Variants in EVI5 observed in about 807,000 individuals in gnomAD.
EVI5 encodes ecotropic viral integration site 5 protein homolog.
A neutral mutation model predicts 112.0 loss-of-function variants in EVI5; 73 were observed. That is an observed-to-expected ratio of 0.65 (90% CI 0.54 to 0.79). The LOEUF is 0.79. Among genes scored for constraint, EVI5 ranks in the 30% least tolerant of loss-of-function variants. The pLI, the probability that EVI5 is intolerant of heterozygous loss-of-function variation, is 0.00. For synonymous variants in EVI5, 305 were observed against 319.9 expected (o/e 0.95, Z 0.50); for missense variants, 900 against 968.8 (o/e 0.93, Z 0.94).
rs1363872641 is a variant in EVI5, at chr1:92,511,094, C to T, written c.*2562G>A. On this transcript the variant is annotated 3_prime_UTR_variant, in exon 20 of 20. Coordinates refer to ENST00000684568, the MANE Select transcript of EVI5 (RefSeq NM_001350197.2). ...CTTGTAAGTGTTGATACTCATCTAT[C>T]TATCTGTATATATATTCAGGAAACA... 6.6e-6 allele frequency: 1 copy of T among 150,716 alleles called. No homozygotes were observed. Among genetic ancestry groups the T allele is most frequent in the Non-Finnish European group, 1.5e-5 (1 of 67,546 alleles). 9.3% of individuals were successfully genotyped at this position (150,716 alleles called of 1,614,324 possible). A position where few individuals can be genotyped will look rare whatever the true frequency, so the allele number is the denominator to read the frequency against.
intron 2 of EVI5, among the ~76,000 whole-genome samples, chr1:92,722,693 C>A (rs1417554231): frequency 6.6e-6 from 1 of 152,146 alleles, no homozygotes; most frequent in Admixed American, 6.5e-5. Context: ...CCACTTTGAT[C>A]TTTCAAGATC....
chr1:92,523,955 G>A (rs1032753363), intron 19 of EVI5, among the ~76,000 whole-genome samples: 1 of 151,932 alleles, frequency 6.6e-6, no homozygotes. Context: ...GTGTAGTGGT[G>A]CATGCCTGTA....
At chr1:92,730,253 G>C (rs1232202615) in intron 2 of EVI5, among the ~76,000 whole-genome samples, 2 of 152,004 alleles carry the variant, frequency 1.3e-5, no homozygotes. Flanking sequence ...GTAATCCCAG[G>C]AGGCAGGGCT....
intron 19 of EVI5, among the ~76,000 whole-genome samples, chr1:92,554,112 T>C (rs1004818554): frequency 6.6e-6 from 1 of 152,196 alleles, no homozygotes; most frequent in Non-Finnish European, 1.5e-5. Context: ...AGAATCTGAA[T>C]GTCAAGTTGG....
intron 14 of EVI5, among the ~76,000 whole-genome samples, chr1:92,634,145 G>T (rs539144508): frequency 6.6e-5 from 10 of 152,230 alleles, no homozygotes; most frequent in Admixed American, 6.5e-4. Context: ...TGGTGAATCT[G>T]ACAATTATGT....
At chr1:92,648,380 T>A (rs532910675) in intron 13 of EVI5, among the ~76,000 whole-genome samples, 28 of 149,974 alleles carry the variant, frequency 1.9e-4, no homozygotes, top group Middle Eastern at 3.4e-3. Flanking sequence ...CTCAAAAAAA[T>A]AATAATAATA....
At chr1:92,598,139 A>G (rs899469842) in intron 18 of EVI5, among the ~76,000 whole-genome samples, 2 of 152,114 alleles carry the variant, frequency 1.3e-5, no homozygotes. Context: ...CCACTGCCCA[A>G]AAGAGAATAT....
intron 1 of EVI5, among the ~76,000 whole-genome samples, chr1:92,782,613 C>A (rs1160274978): frequency 6.6e-6 from 1 of 152,170 alleles, no homozygotes; most frequent in Non-Finnish European, 1.5e-5. Context: ...CAAGCACCAG[C>A]AAGGATGTGG....
chr1:92,524,110 G>T (rs935482334), intron 19 of EVI5, among the ~76,000 whole-genome samples: 2 of 35,252 alleles, frequency 5.7e-5, no homozygotes, highest in African/African-American at 2.2e-4. Flanking sequence ...AAAAATAAAA[G>T]AAAAAAAAAA....
intron 19 of EVI5, among the ~76,000 whole-genome samples, chr1:92,539,786 A>G (rs1055385896): frequency 1.3e-5 from 2 of 152,166 alleles, no homozygotes; most frequent in Non-Finnish European, 2.9e-5. Flanking sequence ...GAGTTGTGCA[A>G]CCATCACCAC....
chr1:92,607,423 CT>C (rs1475459585), intron 17 of EVI5, 157 bp downstream of exon 17: 4 of 496,150 alleles, frequency 8.1e-6, no homozygotes, highest in Non-Finnish European at 1.4e-5. Context: ...ATGAGCTGAC[CT>C]GGTCTGAAAG....
At chr1:92,586,654 C>T (rs1254622765) in intron 18 of EVI5, among the ~76,000 whole-genome samples, 1 of 123,090 alleles carries the variant, frequency 8.1e-6, no homozygotes, top group African/African-American at 3.2e-5. Flanking sequence ...ATTTTGAGTA[C>T]TTCCTTACTT....
intron 1 of EVI5, among the ~76,000 whole-genome samples, chr1:92,775,487 T>C (rs1442268900): frequency 6.6e-6 from 1 of 152,128 alleles, no homozygotes; most frequent in Non-Finnish European, 1.5e-5. Context: ...TGGTGTATCT[T>C]TGCTGTTTAG....
chr1:92,635,233 A>G (rs1319413705), intron 14 of EVI5, among the ~76,000 whole-genome samples: 2 of 152,206 alleles, frequency 1.3e-5, no homozygotes, highest in African/African-American at 2.4e-5. Flanking sequence ...TTAAGTCTGC[A>G]GAGGTTTCTG....
At chr1:92,791,646 T>C (rs1176015404) in intron 1 of EVI5, among the ~76,000 whole-genome samples, 1 of 151,938 alleles carries the variant, frequency 6.6e-6, no homozygotes, top group African/African-American at 2.4e-5. Context: ...GTCCCAATCA[T>C]AGATGCGACG....
At chr1:92,720,203 A>G (rs1674496432) in intron 2 of EVI5, among the ~76,000 whole-genome samples, 1 of 152,130 alleles carries the variant, frequency 6.6e-6, no homozygotes, top group Admixed American at 6.5e-5. Context: ...ACCAAAAAAG[A>G]GCCCACATTG....
Position 92,513,758 on chromosome 1 carries a change from C to G in EVI5, c.2379G>C (p.Glu793Asp). The G allele has an allele frequency of 6.2e-7, 1 of 1,613,760 alleles. No homozygotes were observed. The highest frequency in any genetic ancestry group is 8.5e-7 in the Non-Finnish European group (1 of 1,179,936). ...SLDPAVADGS[E>D]SETEDSVLET... Reference sequence around the variant, plus strand: ...CCAGCACACTGTCTTCTGTTTCGCTCTCACTACCATCTGCCACTGCGGGGT... The same window carrying G: ...CCAGCACACTGTCTTCTGTTTCGCTGTCACTACCATCTGCCACTGCGGGGT... The change falls in exon 20 of 20, where the codon GAG becomes GAC. Residue 793 changes from glutamate (E) to aspartate (D), a missense_variant. Physicochemically the swap from Glu to Asp is conservative, Grantham distance 45 (BLOSUM62 2). Coordinates refer to ENST00000684568, the MANE Select transcript of EVI5 (RefSeq NM_001350197.2).
Position 92,725,597 on chromosome 1 carries a change from C to T in EVI5, c.149+10801G>A, listed in dbSNP as rs373608774. 7.4e-4 allele frequency among the ~76,000 whole-genome samples: 113 copies of T among 152,180 alleles called. 1 individual carries two copies. The highest frequency in any genetic ancestry group is 4.6e-3 in the South Asian group (22 of 4,818). On this transcript the variant is annotated intron_variant, in intron 2 of 19. Transcript: ENST00000684568. ...AATTAGCAGGGCATGATGGCACACA[C>T]CTGTAGTCCCAGCCACTTGGGAGGC...
At chr1:92,610,823 A>G (rs1047752582) in intron 16 of EVI5, among the ~76,000 whole-genome samples, 5 of 152,244 alleles carry the variant, frequency 3.3e-5, no homozygotes, top group Non-Finnish European at 2.9e-5. Flanking sequence ...GGTTTAAGAG[A>G]TGGTAACAGT....
Sources: allele counts gnomAD v4.1 joint callset (sites outside exome capture counted in the v4.1 genomes callset), GRCh38; gene constraint gnomAD v4.1.1; transcripts MANE v1.5; gene names NCBI Gene and HGNC (gene_info 2026-07-23, HGNC 2026-07-21).